TMPRSS9: variants seen among roughly 807,000 people sequenced by gnomAD.
The protein encoded by TMPRSS9 is transmembrane protease serine 9.
TMPRSS9 carries 113 observed loss-of-function variants against 111.4 expected under a neutral mutation model. The observed-to-expected ratio is 1.01, with a 90% CI of 0.87 to 1.19. The LOEUF is 1.19. Ranked by LOEUF, TMPRSS9 falls within the 50% of genes most tolerant of loss-of-function variation. The pLI is 0.00. For synonymous variants in TMPRSS9, 805 were observed against 659.1 expected (o/e 1.22, Z -3.39); for missense variants, 1,803 against 1,513.1 (o/e 1.19, Z -3.18).
intron 7 of TMPRSS9, among the ~76,000 whole-genome samples, chr19:2,406,099 C>T (rs1442202942): frequency 6.7e-6 from 1 of 149,272 alleles, no homozygotes; most frequent in African/African-American, 2.5e-5. Flanking sequence ...CAAGCTCCGC[C>T]TCCCGGGTTC....
intron 1 of TMPRSS9, 127 bp downstream of exon 2, chr19:2,390,054 G>GGCT: frequency 8.1e-7 from 1 of 1,231,746 alleles, no homozygotes; most frequent in Admixed American, 2.1e-5. Context: ...TGGAGATGAA[G>GGCT]GCTGCCCTAG....
At position 2,364,106 on chromosome 19, in the gene TMPRSS9, C is replaced by T. The variant is rs545268696; in HGVS notation, c.-26+3746C>T. ...CTGAGATGGGAGGATCGCTTGAGCCCGGGAGTTGGAGGCTGCAGTGAACTG... is the reference window on the plus strand; with the variant it reads ...CTGAGATGGGAGGATCGCTTGAGCCTGGGAGTTGGAGGCTGCAGTGAACTG... On this transcript the variant is annotated intron_variant, in intron 1 of 17. Transcript: ENST00000649857. Among the ~76,000 whole-genome samples the T allele has an allele frequency of 6.6e-5, 10 of 152,014 alleles. No homozygotes were observed. The East Asian group carries it at 1.2e-3, about 18-fold the overall frequency.
At chr19:2,366,650 G>C (rs1183938672) in intron 1 of TMPRSS9, among the ~76,000 whole-genome samples, 1 of 151,806 alleles carries the variant, frequency 6.6e-6, no homozygotes, top group Non-Finnish European at 1.5e-5. Context: ...AAGGTCAGGA[G>C]ATCAAGACCA....
chr19:2,393,144 A>T (rs999042636), intron 1 of TMPRSS9, among the ~76,000 whole-genome samples: 2 of 152,218 alleles, frequency 1.3e-5, no homozygotes, highest in Non-Finnish European at 2.9e-5. Context: ...TGCTGGAGCC[A>T]GCAGCGGCAA....
intron 7 of TMPRSS9, among the ~76,000 whole-genome samples, chr19:2,407,418 T>C (rs1027383646): frequency 8.6e-5 from 13 of 151,378 alleles, no homozygotes; most frequent in African/African-American, 2.7e-4. Flanking sequence ...TCCCAGTTAC[T>C]TGGGAGGCTG....
chr19:2,384,209 G>C (rs753532970), intron 1 of TMPRSS9, among the ~76,000 whole-genome samples: 7 of 152,150 alleles, frequency 4.6e-5, no homozygotes, highest in Non-Finnish European at 1.0e-4. Flanking sequence ...CTCCGCCCAC[G>C]CAGCAGACAC....
At chr19:2,411,726 A>T (rs973862177) in intron 9 of TMPRSS9, among the ~76,000 whole-genome samples, 5 of 152,054 alleles carry the variant, frequency 3.3e-5, no homozygotes, top group Non-Finnish European at 4.4e-5. Context: ...TAATTTTTAT[A>T]CTTTTAGTAA....
intron 1 of TMPRSS9, 150 bp from the exon 3 acceptor site, chr19:2,396,389 G>T (rs1190334036): frequency 1.1e-6 from 1 of 889,190 alleles, no homozygotes; most frequent in Non-Finnish European, 1.6e-6. Flanking sequence ...GCTATTCAGG[G>T]CTATCACGGG....
chr19:2,393,549 C>T (rs1335451144), intron 1 of TMPRSS9, among the ~76,000 whole-genome samples: 1 of 152,122 alleles, frequency 6.6e-6, no homozygotes, highest in East Asian at 1.9e-4. Flanking sequence ...AGACCAAGAA[C>T]CCACGAATTT....
intron 14 of TMPRSS9, among the ~76,000 whole-genome samples, chr19:2,423,460 T>TG (rs1438847757): frequency 3.8e-5 from 1 of 26,048 alleles, no homozygotes; most frequent in Non-Finnish European, 7.3e-5. Flanking sequence ...TGGCGGTTGG[T>TG]GGGGGGTGGG....
At chr19:2,416,545 G>A (rs1283259741) in exon 12 of TMPRSS9, 1 of 1,607,982 alleles carries the variant, frequency 6.2e-7, no homozygotes, top group Non-Finnish European at 8.5e-7. Context: ...TAGCACGAAG[G>A]TGGAGCAGGT....
Position 2,410,252 on chromosome 19 carries a change from G to A in TMPRSS9, c.1118-6G>A, listed in dbSNP as rs1261744238. ...TCACCCTGCTTTTCTCTCCCCATTC[G>A]GCCAGTGGTCAAGCCAGAGGTGCTG... On this transcript the variant is annotated splice_region_variant and splice_polypyrimidine_tract_variant and intron_variant, in intron 8 of 17. Transcript: ENST00000648592. 7.4e-6 allele frequency: 12 copies of A among 1,613,514 alleles called. No individual in the cohort carries two copies. The highest frequency in any genetic ancestry group is 2.2e-5 in the South Asian group (2 of 91,070).
intron 1 of TMPRSS9, among the ~76,000 whole-genome samples, chr19:2,384,286 G>C (rs557666978): frequency 1.3e-5 from 2 of 152,318 alleles, no homozygotes; most frequent in African/African-American, 4.8e-5. Flanking sequence ...ATGTGGAGGT[G>C]ATCCCCCACC....
Position 2,422,236 on chromosome 19 carries a change from CCCAGCTA to C in TMPRSS9, c.2542_2548del (p.Leu848ThrfsTer27), listed in dbSNP as rs755952134. On this transcript the variant is annotated frameshift_variant, in exon 14 of 18. Coordinates refer to ENST00000648592, the Ensembl canonical transcript of TMPRSS9. LOFTEE classifies it high-confidence loss of function. ...GACGCCCCGGAGGCCACCACACACA[CCCAGCTA>C]CCAGGTACCGGGAGAGACGGAGGGA... 1 of 1,509,152 alleles carries C rather than the reference CCCAGCTA, an allele frequency of 6.6e-7. No homozygotes were observed. Among genetic ancestry groups the C allele is most frequent in the East Asian group, 2.3e-5 (1 of 43,624 alleles). The allele number at this position is 1,509,152 out of a possible 1,614,324, so 93.5% of individuals were successfully genotyped here.
intron 9 of TMPRSS9, 95 bp downstream of exon 10, chr19:2,410,489 G>C (rs1283877717): frequency 5.3e-6 from 8 of 1,498,600 alleles, no homozygotes; most frequent in South Asian, 2.5e-5. Context: ...GATGCCCGCT[G>C]TGAGCCCCCA....
At chr19:2,372,741 TA>T (rs1359646466) in intron 1 of TMPRSS9, among the ~76,000 whole-genome samples, 1 of 152,116 alleles carries the variant, frequency 6.6e-6, no homozygotes, top group African/African-American at 2.4e-5. Context: ...TTGGCTGACT[TA>T]TTTTTTTTTA....
At chr19:2,425,830 G>T (rs545325386) in intron 17 of TMPRSS9, 97 bp from the exon 19 acceptor site, 226 of 1,446,604 alleles carry the variant, frequency 1.6e-4, no homozygotes, top group Non-Finnish European at 2.0e-4. Context: ...GGCTCCCAGG[G>T]GAAGTCACTA....
chr19:2,390,323 A>T (rs574250118), intron 1 of TMPRSS9, among the ~76,000 whole-genome samples: 1 of 135,104 alleles, frequency 7.4e-6, no homozygotes, highest in Non-Finnish European at 1.6e-5. Flanking sequence ...GCTCACTGCA[A>T]GCTCCACCTC....
rs79599008 is a variant in TMPRSS9, at chr19:2,414,053, C to T, written c.1573+35C>T. 4,622 of 1,495,852 alleles carry T rather than the reference C, an allele frequency of 3.1e-3. 75 individuals carry two copies. The African/African-American group carries it at 0.048, about 16-fold the overall frequency. The allele number at this position is 1,495,852 out of a possible 1,614,324, so 92.7% of individuals were successfully genotyped here. On this transcript the variant is annotated intron_variant, in intron 10 of 17. Transcript: ENST00000648592. ...GGGCAGAAAGGTAGAAGATGATGTA[C>T]GTGCCTATCTTGATTTAGGGAGAAC... is the stretch of plus-strand genomic sequence containing the variant.
Sources: allele counts gnomAD v4.1 joint callset (sites outside exome capture counted in the v4.1 genomes callset), GRCh38; gene constraint gnomAD v4.1.1; transcripts MANE v1.5; gene names NCBI Gene and HGNC (gene_info 2026-07-23, HGNC 2026-07-21).